COL19A1: variants seen among roughly 807,000 people sequenced by gnomAD.
COL19A1 encodes collagen alpha-1(XIX) chain.
Under a neutral mutation model 190.2 loss-of-function variants are expected in COL19A1, and 159 were observed. That is an observed-to-expected ratio of 0.84 (90% CI 0.73 to 0.95). The LOEUF is 0.95. COL19A1 is among the 40% of genes least tolerant of loss of function. The pLI is 0.00. For missense variants in COL19A1, 1,418 were observed against 1,431.9 expected (o/e 0.99, Z 0.16); for synonymous variants, 509 against 458.9 (o/e 1.11, Z -1.39).
chr6:70,147,919 G>A (rs11759148), intron 27 of COL19A1, among the ~76,000 whole-genome samples: 2,744 of 152,186 alleles, frequency 0.018, 88 homozygotes, highest in East Asian at 0.14. Flanking sequence ...ATCAAGTAAC[G>A]CTTTCTTACG....
chr6:70,065,462 A>G (rs575133642), intron 14 of COL19A1, among the ~76,000 whole-genome samples: 160 of 152,340 alleles, frequency 1.1e-3, no homozygotes, highest in African/African-American at 3.6e-3. Flanking sequence ...TTAATTCAAG[A>G]TGGATTAAAG....
intron 11 of COL19A1, among the ~76,000 whole-genome samples, chr6:69,993,431 A>G (rs1776731669): frequency 6.6e-6 from 1 of 152,048 alleles, no homozygotes; most frequent in Non-Finnish European, 1.5e-5. Context: ...TTTAAATTGT[A>G]TCTATGCCAG....
rs1766352051 is a variant in COL19A1 at position 70,184,034 on chromosome 6, TC to T, written c.2776-666del. Among the ~76,000 whole-genome samples the T allele has an allele frequency of 2.0e-5, 3 of 152,332 alleles. No individual in the cohort carries two copies. In the South Asian group the frequency reaches 6.2e-4, roughly 32 times the overall value. ...TAGGCTTCGTTATCACTTCTAGAAC[TC>T]CCTTTTAAAGTTCAAGAAACTTCCA... On this transcript the variant is annotated intron_variant, in intron 44 of 50. Coordinates refer to ENST00000620364, the MANE Select transcript of COL19A1 (RefSeq NM_001858.6).
intron 14 of COL19A1, among the ~76,000 whole-genome samples, chr6:70,059,329 A>C (rs1351799780): frequency 6.6e-6 from 1 of 152,128 alleles, no homozygotes; most frequent in Admixed American, 6.6e-5. Flanking sequence ...CTTGATTAAG[A>C]AGCTGTAAAT....
intron 14 of COL19A1, among the ~76,000 whole-genome samples, chr6:70,042,902 G>A (rs1779702095): frequency 6.6e-6 from 1 of 152,170 alleles, no homozygotes; most frequent in Non-Finnish European, 1.5e-5. Flanking sequence ...CCATGAGAGT[G>A]CAGCAATTCA....
At chr6:70,046,534 T>C (rs989063951) in intron 14 of COL19A1, among the ~76,000 whole-genome samples, 1 of 152,186 alleles carries the variant, frequency 6.6e-6, no homozygotes, top group Admixed American at 6.6e-5. Context: ...TTTTTTTTAA[T>C]GCAGAGTGCT....
chr6:70,201,072 A>G (rs1019725922), intron 49 of COL19A1, among the ~76,000 whole-genome samples: 7 of 152,226 alleles, frequency 4.6e-5, no homozygotes, highest in African/African-American at 1.2e-4. Context: ...AAGTCAGAGT[A>G]TATGAGACTG....
intron 16 of COL19A1, among the ~76,000 whole-genome samples, chr6:70,119,698 T>C (rs1260382894): frequency 6.6e-6 from 1 of 152,216 alleles, no homozygotes; most frequent in East Asian, 1.9e-4. Flanking sequence ...TTCTTTATCT[T>C]TGAATCAGAG....
intron 49 of COL19A1, among the ~76,000 whole-genome samples, 193 bp from the exon 50 acceptor site, chr6:70,206,708 T>G (rs769810112): frequency 6.6e-6 from 1 of 151,980 alleles, no homozygotes; most frequent in Admixed American, 6.6e-5. Context: ...AAGATCCTCA[T>G]TGCCCTATTA....
At chr6:70,017,951 G>A (rs547503152) in intron 11 of COL19A1, among the ~76,000 whole-genome samples, 2 of 152,228 alleles carry the variant, frequency 1.3e-5, no homozygotes, top group Admixed American at 6.5e-5. Context: ...AGTATTGGGA[G>A]CCTGGCTCAA....
chr6:70,070,356 A>G (rs1182979052), intron 15 of COL19A1, among the ~76,000 whole-genome samples: 1 of 152,146 alleles, frequency 6.6e-6, no homozygotes, highest in African/African-American at 2.4e-5. Flanking sequence ...TACTCCATTT[A>G]TAAATGCGTA....
chr6:69,926,231 T>G (rs1772385144), intron 4 of COL19A1, among the ~76,000 whole-genome samples: 2 of 152,002 alleles, frequency 1.3e-5, no homozygotes, highest in South Asian at 4.1e-4. Context: ...TCTTTTCAAT[T>G]AACAATTAGA....
At chr6:70,059,923 A>G in intron 14 of COL19A1, 1 of 335,320 alleles carries the variant, frequency 3.0e-6, no homozygotes, top group African/African-American at 2.2e-5. Flanking sequence ...ATTAAATTGA[A>G]GAAGAAAAAA....
chr6:70,035,837 A>G (rs1779323576), intron 13 of COL19A1, 67 bp from the exon 14 acceptor site: 1 of 1,348,276 alleles, frequency 7.4e-7, no homozygotes, highest in Non-Finnish European at 1.1e-6. Flanking sequence ...CTATCCACCT[A>G]GAAATTTATA....
At chr6:70,043,983 C>T (rs926641668) in intron 14 of COL19A1, among the ~76,000 whole-genome samples, 4 of 152,150 alleles carry the variant, frequency 2.6e-5, no homozygotes, top group South Asian at 4.1e-4. Context: ...AAACTCGTTG[C>T]GTGGTGTGGT....
At position 70,199,831 on chromosome 6, in the gene COL19A1, T is replaced by A. The variant is rs118000302; in HGVS notation, c.3223+95T>A. On this transcript the variant is annotated intron_variant, in intron 49 of 50. Transcript: ENST00000620364. ...TTAAGGAAAAAAGTATGTATGTATG[T>A]CCTTTATTTATACATTACATATATA... 61,298 of 1,211,006 alleles carry A rather than the reference T, an allele frequency of 0.051. 1,870 individuals carry two copies. Among genetic ancestry groups the A allele is most frequent in the Non-Finnish European group, 0.058 (50,598 of 871,186 alleles). 75.0% of individuals were successfully genotyped at this position (1,211,006 alleles called of 1,614,324 possible).
intron 36 of COL19A1, among the ~76,000 whole-genome samples, 200 bp downstream of exon 36, chr6:70,163,596 A>G (rs567674652): frequency 1.3e-5 from 2 of 152,302 alleles, no homozygotes; most frequent in African/African-American, 4.8e-5. Flanking sequence ...TCCTAGGAGA[A>G]AGGATAAATA....
At chr6:70,067,592 G>A (rs538255932) in intron 14 of COL19A1, among the ~76,000 whole-genome samples, 11 of 152,146 alleles carry the variant, frequency 7.2e-5, no homozygotes, top group Admixed American at 3.3e-4. Context: ...TGGAGTTGTA[G>A]ATCTGGGAAT....
intron 16 of COL19A1, among the ~76,000 whole-genome samples, chr6:70,109,175 G>A (rs190092291): frequency 3.3e-5 from 5 of 152,162 alleles, no homozygotes; most frequent in African/African-American, 7.2e-5. Context: ...GCTATGGGGG[G>A]AATAAACTGG....
Sources: gnomAD v4.1 joint callset for allele counts (sites outside exome capture counted in the v4.1 genomes callset) on GRCh38, gnomAD v4.1.1 for gene constraint, MANE v1.5 for transcripts, NCBI Gene and HGNC (gene_info 2026-07-23, HGNC 2026-07-21) for gene names.